The following GRIN2B variants were observed in gnomAD, a reference collection of about 807,000 sequenced individuals.
The protein encoded by GRIN2B is glutamate ionotropic receptor NMDA type subunit 2B.
GRIN2B carries 5 observed loss-of-function variants against 114.5 expected under a neutral mutation model. The observed-to-expected ratio is 0.04, with a 90% CI of 0.02 to 0.09. The LOEUF (loss-of-function observed/expected upper bound fraction) is 0.09. GRIN2B is among the 10% of genes least tolerant of loss of function. The pLI is 1.00. For synonymous variants in GRIN2B, 787 were observed against 745.1 expected, an observed-to-expected ratio of 1.06 and a Z score of -0.92; for missense variants, 1,108 against 1,943.5, an observed-to-expected ratio of 0.57 and a Z score of 8.08.
chr12:13,654,226 G>A (rs1031333609), intron 5 of GRIN2B, among the ~76,000 whole-genome samples: 1 of 152,130 alleles, frequency 6.6e-6, no homozygotes, highest in African/African-American at 2.4e-5. Flanking sequence ...GATAAGAGGT[G>A]TAATGAGAAG....
chr12:13,650,653 A>G (rs1949804806), intron 5 of GRIN2B, among the ~76,000 whole-genome samples: 1 of 152,010 alleles, frequency 6.6e-6, no homozygotes, highest in African/African-American at 2.4e-5. Context: ...CTCCTAATCC[A>G]TCTTCTCAAT....
chr12:13,835,605 A>G (rs781104407), intron 3 of GRIN2B, among the ~76,000 whole-genome samples: 5 of 151,874 alleles, frequency 3.3e-5, no homozygotes, highest in Non-Finnish European at 7.4e-5. Flanking sequence ...CCCACGTGCA[A>G]TGGGGAAAAG....
rs923042701 is a variant in GRIN2B at position 13,556,774 on chromosome 12, C to T, written c.*6009G>A. 1 of 152,060 alleles carries T rather than the reference C, an allele frequency of 6.6e-6. No individual in the cohort carries two copies. Among genetic ancestry groups the T allele is most frequent in the Non-Finnish European group, 1.5e-5 (1 of 68,046 alleles). The allele number at this position is 152,060 out of a possible 1,614,324, so 9.4% of individuals were successfully genotyped here. A position where few individuals can be genotyped will look rare whatever the true frequency, so the allele number is the denominator to read the frequency against. On this transcript the variant is annotated 3_prime_UTR_variant, in exon 14 of 14. Transcript: ENST00000609686. ...TTTCACCTTCAGTTCTTTCAGGAGC[C>T]CTTAACCACATAATCACCCCAGCAA...
At chr12:13,747,749 C>T (rs777755702) in intron 4 of GRIN2B, among the ~76,000 whole-genome samples, 9 of 152,198 alleles carry the variant, frequency 5.9e-5, no homozygotes, top group South Asian at 4.1e-4. Flanking sequence ...CTATAACATG[C>T]GTTTGCCTTA....
chr12:13,754,259 G>A (rs1196129555), intron 3 of GRIN2B, among the ~76,000 whole-genome samples: 2 of 152,180 alleles, frequency 1.3e-5, no homozygotes, highest in Admixed American at 1.3e-4. Flanking sequence ...GTCACATAGT[G>A]TAGAATAAAG....
Position 13,939,559 on chromosome 12 carries a change from T to TTC in GRIN2B, c.-19+40368_-19+40369insGA, listed in dbSNP as rs1396596117. Among the ~76,000 whole-genome samples, 54 of 146,822 alleles carry TTC rather than the reference T, an allele frequency of 3.7e-4. 2 individuals carry two copies. The highest frequency in any genetic ancestry group is 3.7e-3 in the Admixed American group (54 of 14,694). Reference sequence around the variant, plus strand: ...TGCACCGTGCTTTTTTTTTTTTTTTTTTTTTTCCTTTTTGAGACAAGGTCT... The same window carrying TTC: ...TGCACCGTGCTTTTTTTTTTTTTTTTTCTTTTTTCCTTTTTGAGACAAGGTCT... On this transcript the variant is annotated intron_variant, in intron 2 of 13. Coordinates refer to ENST00000609686, the MANE Select transcript of GRIN2B (RefSeq NM_000834.5).
chr12:13,624,639 C>G (rs1949550601), intron 5 of GRIN2B, among the ~76,000 whole-genome samples: 1 of 152,230 alleles, frequency 6.6e-6, no homozygotes, highest in African/African-American at 2.4e-5. Context: ...ATGACTGCCT[C>G]TTCACTTACT....
intron 3 of GRIN2B, among the ~76,000 whole-genome samples, chr12:13,826,694 A>G (rs11494642): frequency 0.091 from 13,881 of 151,980 alleles, 885 homozygotes; most frequent in South Asian, 0.18. Context: ...TTCAATATAC[A>G]TCATAAACCC....
Position 13,563,448 on chromosome 12 carries a change from CCAGTTCCTG to C in GRIN2B, c.3781_3789del (p.Gln1261_Leu1263del). The C allele has an allele frequency of 6.2e-7, 1 of 1,614,154 alleles. No homozygotes were observed. Among genetic ancestry groups the C allele is most frequent in the Non-Finnish European group, 8.5e-7 (1 of 1,180,034 alleles). ...ACCGCCACTGGGGCAGCCGGCTGGT[CCAGTTCCTG>C]CAGGGAGTTGTCCTCACTGATGTCA... On this transcript the variant is annotated inframe_deletion, in exon 14 of 14. Coordinates refer to ENST00000609686, the MANE Select transcript of GRIN2B (RefSeq NM_000834.5).
Position 13,563,412 on chromosome 12 carries a change from C to T in GRIN2B, c.3826G>A (p.Ala1276Thr), listed in dbSNP as rs564596433. The T allele has an allele frequency of 8.7e-6, 14 of 1,614,130 alleles. No individual in the cohort carries two copies. The highest frequency in any genetic ancestry group is 4.5e-5 in the East Asian group (2 of 44,874). ...PAAPVAVTSN[A>T]STTKYPQSPT... ...CTCTGAGGGTACTTAGTGGTGGAGGCGTTTGACGTCACCGCCACTGGGGCA... is the reference window on the plus strand; with the variant it reads ...CTCTGAGGGTACTTAGTGGTGGAGGTGTTTGACGTCACCGCCACTGGGGCA... Residue 1276 changes from alanine (A) to threonine (T), a missense_variant, in exon 14 of 14, where the codon GCC becomes ACC. This residue lies in a region of GRIN2B where 478 missense variants were observed against 506.0 expected (regional missense o/e 0.94). Coordinates refer to ENST00000609686, the MANE Select transcript of GRIN2B (RefSeq NM_000834.5).
At chr12:13,737,542 C>G (rs1863207477) in intron 4 of GRIN2B, among the ~76,000 whole-genome samples, 1 of 152,126 alleles carries the variant, frequency 6.6e-6, no homozygotes. Flanking sequence ...AATGTGAAAT[C>G]TGAAGTTTGG....
At chr12:13,680,472 G>A (rs1026117949) in intron 4 of GRIN2B, among the ~76,000 whole-genome samples, 1 of 140,602 alleles carries the variant, frequency 7.1e-6, no homozygotes, top group African/African-American at 2.6e-5. Context: ...GTGTGTGTGT[G>A]TGTGTGTGTG....
At chr12:13,742,174 C>A (rs1399327290) in intron 4 of GRIN2B, among the ~76,000 whole-genome samples, 1 of 152,130 alleles carries the variant, frequency 6.6e-6, no homozygotes, top group Non-Finnish European at 1.5e-5. Flanking sequence ...AGGGTATATG[C>A]TTTCTGGGGC....
intron 12 of GRIN2B, 145 bp from the exon 13 acceptor site, chr12:13,567,408 T>TAA (rs1948655555): frequency 1.5e-6 from 1 of 655,290 alleles, no homozygotes; most frequent in African/African-American, 1.8e-5. Context: ...AGGAAATGAA[T>TAA]AAAGTTAACA....
Position 13,829,237 on chromosome 12 carries a change from G to C in GRIN2B, c.411+36561C>G, listed in dbSNP as rs367692714. 4.6e-5 allele frequency among the ~76,000 whole-genome samples: 7 copies of C among 152,170 alleles called. No individual in the cohort carries two copies. The South Asian group carries it at 1.0e-3, about 23-fold the overall frequency. ...TATTTTCTTAATAGAAATTACTACT[G>C]TCTAAAATAATTGTTTATTGATGTG... On this transcript the variant is annotated intron_variant, in intron 3 of 13. Coordinates refer to ENST00000609686, the MANE Select transcript of GRIN2B (RefSeq NM_000834.5).
At chr12:13,786,057 G>C (rs1298679301) in intron 3 of GRIN2B, among the ~76,000 whole-genome samples, 1 of 152,146 alleles carries the variant, frequency 6.6e-6, no homozygotes, top group Non-Finnish European at 1.5e-5. Flanking sequence ...TCAATCTTAT[G>C]CTAATTTTCT....
intron 2 of GRIN2B, among the ~76,000 whole-genome samples, chr12:13,932,477 A>C (rs1186674779): frequency 6.6e-6 from 1 of 152,242 alleles, no homozygotes; most frequent in Non-Finnish European, 1.5e-5. Flanking sequence ...TGGCTACAGC[A>C]ATGCCTACCA....
At chr12:13,947,262 C>T (rs757166326) in intron 2 of GRIN2B, among the ~76,000 whole-genome samples, 1 of 152,268 alleles carries the variant, frequency 6.6e-6, no homozygotes, top group Non-Finnish European at 1.5e-5. Context: ...TGAGGTTGCA[C>T]GTATGTATCC....
chr12:13,663,515 C>T (rs1185153956), intron 5 of GRIN2B, among the ~76,000 whole-genome samples: 1 of 152,272 alleles, frequency 6.6e-6, no homozygotes, highest in East Asian at 1.9e-4. Flanking sequence ...TGTGCTATAT[C>T]AAAACTGAGG....
Sources: allele counts gnomAD v4.1 joint callset (sites outside exome capture counted in the v4.1 genomes callset), GRCh38; gene constraint gnomAD v4.1.1; regional missense constraint gnomAD v4.1.1; transcripts MANE v1.5; gene names NCBI Gene and HGNC (gene_info 2026-07-23, HGNC 2026-07-21).